Variants in PCNX2 observed in about 807,000 individuals in gnomAD.
PCNX2 encodes pecanex-like protein 2.
In PCNX2, 168 loss-of-function variants were observed where a neutral mutation model predicts 223.8. The observed-to-expected ratio is 0.75, with a 90% confidence interval of 0.66 to 0.85. The LOEUF is 0.85. Among genes scored for constraint, PCNX2 ranks in the 40% least tolerant of loss-of-function variants. The pLI is 0.00. For missense variants in PCNX2, 2,507 were observed against 2,675.5 expected (o/e 0.94, Z 1.39); for synonymous variants, 1,006 against 1,052.6 (o/e 0.96, Z 0.86).
intron 28 of PCNX2, among the ~76,000 whole-genome samples, chr1:233,004,033 T>C (rs1355955221): frequency 6.6e-6 from 1 of 151,860 alleles, no homozygotes; most frequent in Non-Finnish European, 1.5e-5. Flanking sequence ...GGGATAGCAT[T>C]AGGAGAAATA....
intron 25 of PCNX2, among the ~76,000 whole-genome samples, chr1:233,029,708 TA>T (rs1396750962): frequency 6.6e-6 from 1 of 152,214 alleles, no homozygotes; most frequent in African/African-American, 2.4e-5. Context: ...TTTATGCACT[TA>T]AAAATATTAT....
chr1:233,239,952 G>A (rs1328585158), intron 8 of PCNX2, among the ~76,000 whole-genome samples: 2 of 152,154 alleles, frequency 1.3e-5, no homozygotes, highest in Non-Finnish European at 1.5e-5. Context: ...CCTCTTTTAT[G>A]AGGGTTGAGT....
intron 17 of PCNX2, among the ~76,000 whole-genome samples, chr1:233,168,905 C>T (rs79813722): frequency 0.027 from 4,104 of 152,062 alleles, 175 homozygotes; most frequent in African/African-American, 0.092. Context: ...AAAATGCCAC[C>T]TCATTTTAAT....
At chr1:233,261,348 A>G in intron 3 of PCNX2, 27 bp from the exon 4 acceptor site, 1 of 1,609,282 alleles carries the variant, frequency 6.2e-7, no homozygotes, top group Non-Finnish European at 8.5e-7. Context: ...AACAAAAATC[A>G]ATAGATGACT....
chr1:233,194,726 GA>G (rs1680620890), intron 15 of PCNX2, among the ~76,000 whole-genome samples: 1 of 151,986 alleles, frequency 6.6e-6, no homozygotes, highest in African/African-American at 2.4e-5. Context: ...TACAAGAAAA[GA>G]AAAGTTAGGC....
chr1:233,226,517 G>A lies in PCNX2; in HGVS notation c.2504+709C>T, dbSNP rs139594952. 2.4e-3 allele frequency among the ~76,000 whole-genome samples: 360 copies of A among 152,140 alleles called. 1 individual carries two copies. Among genetic ancestry groups the A allele is most frequent in the African/African-American group, 8.1e-3 (335 of 41,516 alleles). ...ACTCCTGACCTCAGGTGATCTGCCC[G>A]CCTCAGCCTCCCAAAGTGCTGGGAT... On this transcript the variant is annotated intron_variant, in intron 10 of 33. Transcript: ENST00000258229.
chr1:233,225,293 T>G (rs1168242088), intron 10 of PCNX2, among the ~76,000 whole-genome samples: 1 of 152,134 alleles, frequency 6.6e-6, no homozygotes, highest in Non-Finnish European at 1.5e-5. Flanking sequence ...GAGCAACTAA[T>G]ATTTAAAGAA....
the PCNX2 span, among the ~76,000 whole-genome samples, chr1:233,312,415 T>C: frequency 1.3e-5 from 2 of 152,206 alleles, no homozygotes; most frequent in East Asian, 3.8e-4. Context: ...AAAGTCTTTA[T>C]TTATTGAAAT....
intron 23 of PCNX2, among the ~76,000 whole-genome samples, chr1:233,073,042 T>C (rs1672926895): frequency 6.6e-6 from 1 of 152,226 alleles, no homozygotes; most frequent in South Asian, 2.1e-4. Context: ...TTTTAAAAAA[T>C]TACTGATTAA....
intron 10 of PCNX2, among the ~76,000 whole-genome samples, chr1:233,219,412 C>A (rs192630950): frequency 4.6e-5 from 7 of 152,016 alleles, no homozygotes; most frequent in African/African-American, 9.7e-5. Context: ...AAGGAAGTGG[C>A]AGAAATGGAG....
rs544292518 is a variant in PCNX2, at chr1:233,218,347, C to T, written c.2505-163G>A. Among the ~76,000 whole-genome samples the T allele has an allele frequency of 4.1e-5, 6 of 147,230 alleles. No homozygotes were observed. The East Asian group carries it at 8.4e-4, about 21-fold the overall frequency. ...CACTGCAAGCTCTGCCTCCCAGGTT[C>T]AAGCAATCCTCCTGCCTCAGCCTCC... On this transcript the variant is annotated intron_variant, in intron 10 of 33. Coordinates refer to ENST00000258229, the MANE Select transcript of PCNX2 (RefSeq NM_014801.4).
At chr1:233,207,240 C>T (rs749255346) in intron 13 of PCNX2, among the ~76,000 whole-genome samples, 2 of 152,074 alleles carry the variant, frequency 1.3e-5, no homozygotes, top group Non-Finnish European at 2.9e-5. Context: ...ACAAAGCTTA[C>T]ACCATACCTG....
At chr1:233,236,487 TAA>T (rs530081035) in intron 9 of PCNX2, among the ~76,000 whole-genome samples, 4 of 146,284 alleles carry the variant, frequency 2.7e-5, no homozygotes, top group African/African-American at 9.9e-5. Context: ...AATAATACAT[TAA>T]AAAAAAAAAG....
intron 15 of PCNX2, among the ~76,000 whole-genome samples, chr1:233,182,548 A>G (rs777189215): frequency 3.9e-5 from 6 of 152,082 alleles, no homozygotes; most frequent in Non-Finnish European, 7.4e-5. Context: ...GTATCTTTCA[A>G]TGATTCCTCA....
At position 233,229,398 on chromosome 1, in the gene PCNX2, A is replaced by C. The variant is rs559290086; in HGVS notation, c.2359-2027T>G. On this transcript the variant is annotated intron_variant, in intron 9 of 33. Coordinates refer to ENST00000258229, the MANE Select transcript of PCNX2 (RefSeq NM_014801.4). Reference sequence around the variant, plus strand: ...TCAACACAGAAGAGAGCTTTGCGGAAACTGCCTGGTGTCATCTCAGCAGGA... The same window carrying C: ...TCAACACAGAAGAGAGCTTTGCGGACACTGCCTGGTGTCATCTCAGCAGGA... Among the ~76,000 whole-genome samples, 228 of 152,268 alleles carry C rather than the reference A, an allele frequency of 1.5e-3. 2 individuals are homozygous for C. The highest frequency in any genetic ancestry group is 5.4e-3 in the African/African-American group (223 of 41,562).
At chr1:233,039,200 T>C (rs1471370986) in intron 25 of PCNX2, among the ~76,000 whole-genome samples, 1 of 152,156 alleles carries the variant, frequency 6.6e-6, no homozygotes, top group Non-Finnish European at 1.5e-5. Flanking sequence ...TTTCTGAAAA[T>C]GTTTAATCAC....
intron 12 of PCNX2, among the ~76,000 whole-genome samples, chr1:233,212,533 T>C (rs906534289): frequency 2.0e-5 from 3 of 152,312 alleles, no homozygotes; most frequent in East Asian, 1.9e-4. Flanking sequence ...CCTGACAAAA[T>C]GGCAGATGCA....
At chr1:233,291,029 A>AT in intron 1 of PCNX2, 1 of 985,412 alleles carries the variant, frequency 1.0e-6, no homozygotes, top group Non-Finnish European at 1.2e-6. Context: ...TGGCATAATC[A>AT]TAATTCCACT....
chr1:233,158,035 A>G (rs1678234808), intron 19 of PCNX2, among the ~76,000 whole-genome samples: 1 of 152,104 alleles, frequency 6.6e-6, no homozygotes, highest in South Asian at 2.1e-4. Flanking sequence ...CGAGAGGGGA[A>G]GTCAGAAACA....
Sources: gnomAD v4.1 joint callset for allele counts (sites outside exome capture counted in the v4.1 genomes callset) on GRCh38, gnomAD v4.1.1 for gene constraint, MANE v1.5 for transcripts, NCBI Gene and HGNC (gene_info 2026-07-23, HGNC 2026-07-21) for gene names.